Variants in DDX1 observed in about 807,000 individuals in gnomAD.
DDX1 encodes DEAD-box helicase 1, also known as ATP-dependent RNA helicase DDX1.
Under a neutral mutation model 108.7 loss-of-function variants are expected in DDX1, and 28 were observed. That is an observed-to-expected ratio of 0.26 (90% CI 0.19 to 0.35). DDX1 has a LOEUF of 0.35. Ranked by LOEUF, DDX1 falls within the 10% of genes least tolerant of loss-of-function variation. The pLI is 1.00. For synonymous variants in DDX1, 295 were observed against 288.9 expected, an observed-to-expected ratio of 1.02 and a Z score of -0.21; for missense variants, 710 against 884.5, an observed-to-expected ratio of 0.80 and a Z score of 2.50.
At chr2:15,605,921 T>G in intron 10 of DDX1, 29 bp from the exon 11 acceptor site, 1 of 1,443,150 alleles carries the variant, frequency 6.9e-7, no homozygotes, top group Non-Finnish European at 9.4e-7. Flanking sequence ...CTGATTGTTT[T>G]AATCTCTCTC....
intron 5 of DDX1, 54 bp downstream of exon 5, chr2:15,597,525 T>C: frequency 8.4e-7 from 1 of 1,184,306 alleles, no homozygotes; most frequent in African/African-American, 1.5e-5. Flanking sequence ...TTCTCATCAC[T>C]GACAGTTAGG....
At position 15,607,232 on chromosome 2, in the gene DDX1, T is replaced by G. The variant is rs1665677804; in HGVS notation, c.875T>G (p.Val292Gly). ...FLPNAPKALIVEPSRELAEQT... is the reference protein window; with the variant it reads ...FLPNAPKALIGEPSRELAEQT... ...CCCAATGCTCCGAAAGCTCTCATTG[T>G]TGAACCTTCCCGGGAGTTAGCTGAA... Residue 292 changes from valine (V) to glycine (G), a missense_variant, in exon 13 of 26, where the codon GTT becomes GGT. Transcript: ENST00000233084. The G allele has an allele frequency of 6.2e-7, 1 of 1,613,850 alleles. No individual in the cohort carries two copies. The highest frequency in any genetic ancestry group is 1.3e-5 in the African/African-American group (1 of 74,946).
chr2:15,597,897 TAAG>T lies in DDX1; in HGVS notation c.259+430_259+432del, dbSNP rs1206266118. Among the ~76,000 whole-genome samples, 3 of 152,142 alleles carry T rather than the reference TAAG, an allele frequency of 2.0e-5. No individual in the cohort carries two copies. The East Asian group carries it at 5.8e-4, about 29-fold the overall frequency. Reference sequence around the variant, plus strand: ...CAGAGGCATTTTTTTTCCTCTAAGATAAGAAGGGAACCACCTAGGAAGTTAAAA... The same window carrying T: ...CAGAGGCATTTTTTTTCCTCTAAGATAAGGGAACCACCTAGGAAGTTAAAA... On this transcript the variant is annotated intron_variant, in intron 5 of 25. Transcript: ENST00000233084.
intron 1 of DDX1, 49 bp downstream of exon 1, chr2:15,591,998 T>G: frequency 4.4e-6 from 6 of 1,376,844 alleles, no homozygotes; most frequent in Non-Finnish European, 4.7e-6. Flanking sequence ...GTTGCACGCC[T>G]CAGCCCTGGG....
intron 13 of DDX1, 137 bp downstream of exon 13, chr2:15,607,450 TTAA>T: frequency 1.6e-6 from 1 of 636,822 alleles, no homozygotes; most frequent in East Asian, 3.0e-5. Flanking sequence ...TAAATATACT[TTAA>T]TAATTTCCAT....
chr2:15,615,242 A>G (rs904587971), intron 14 of DDX1, among the ~76,000 whole-genome samples: 2 of 152,204 alleles, frequency 1.3e-5, no homozygotes, highest in Admixed American at 6.5e-5. Context: ...GTATTATGCA[A>G]CATGTGCCAC....
chr2:15,628,584 G>A (rs1666139877), intron 21 of DDX1, 54 bp from the exon 22 acceptor site: 1 of 1,594,852 alleles, frequency 6.3e-7, no homozygotes, highest in African/African-American at 1.3e-5. Context: ...CTTCTAATAT[G>A]TTTGAAAAAT....
intron 6 of DDX1, among the ~76,000 whole-genome samples, chr2:15,600,704 C>T (rs1241305269): frequency 6.6e-6 from 1 of 150,392 alleles, no homozygotes; most frequent in Admixed American, 6.6e-5. Flanking sequence ...TAATAGTAAC[C>T]AAAGGACTGT....
chr2:15,595,177 G>A lies in DDX1; in HGVS notation c.49G>A (p.Val17Met), dbSNP rs199880652. ...MGVMPEIAQA[V>M]EEMDWLLPTD... Reference sequence around the variant, plus strand: ...TGTAATGCCTGAGATTGCACAAGCTGTGGAAGAGATGGATTGGCTGTAAGT... The same window carrying A: ...TGTAATGCCTGAGATTGCACAAGCTATGGAAGAGATGGATTGGCTGTAAGT... Residue 17 changes from valine (V) to methionine (M), a missense_variant, in exon 2 of 26, where the codon GTG (valine) becomes ATG (methionine). Physicochemically the swap from Val to Met is conservative, Grantham distance 21. Around this residue, in one of 3 missense-constraint regions of DDX1, gnomAD observed 48 missense variants for 57.5 expected, o/e 0.83. Coordinates refer to ENST00000233084, the MANE Select transcript of DDX1 (RefSeq NM_004939.3). 2.5e-6 allele frequency: 4 copies of A among 1,612,036 alleles called. No individual in the cohort carries two copies. The highest frequency in any genetic ancestry group is 4.5e-5 in the East Asian group (2 of 44,828).
chr2:15,610,726 G>A (rs1405762114), intron 13 of DDX1, among the ~76,000 whole-genome samples: 1 of 152,186 alleles, frequency 6.6e-6, no homozygotes, highest in African/African-American at 2.4e-5. Context: ...TTATCCTAAT[G>A]TAGAAGAATA....
intron 6 of DDX1, among the ~76,000 whole-genome samples, chr2:15,601,258 T>C (rs1334125896): frequency 2.0e-5 from 3 of 152,128 alleles, no homozygotes; most frequent in Non-Finnish European, 4.4e-5. Context: ...CACATGTTTG[T>C]TTATTCTTGG....
chr2:15,603,043 A>G (rs1022746450), intron 7 of DDX1, 149 bp from the exon 8 acceptor site: 6 of 607,738 alleles, frequency 9.9e-6, no homozygotes, highest in Non-Finnish European at 1.7e-5. Context: ...TAAGTCGAGG[A>G]TCTGGGAAGG....
chr2:15,606,393 A>G, intron 12 of DDX1, 129 bp downstream of exon 12: 3 of 617,346 alleles, frequency 4.9e-6, no homozygotes, highest in Non-Finnish European at 8.4e-6. Context: ...TCTTTTTTTA[A>G]CACAGCAGTA....
chr2:15,606,681 C>T (rs1463503273), intron 12 of DDX1, among the ~76,000 whole-genome samples: 1 of 152,228 alleles, frequency 6.6e-6, no homozygotes, highest in Non-Finnish European at 1.5e-5. Flanking sequence ...GAATTCAAAT[C>T]TAAGCAGTCT....
intron 24 of DDX1, 115 bp downstream of exon 24, chr2:15,629,812 G>A (rs750202738): frequency 1.6e-5 from 17 of 1,036,670 alleles, no homozygotes; most frequent in East Asian, 5.2e-5. Flanking sequence ...AGGGAAAGTC[G>A]TAGTTGGTTA....
intron 16 of DDX1, among the ~76,000 whole-genome samples, chr2:15,619,089 G>A (rs1435478433): frequency 1.3e-5 from 2 of 152,160 alleles, no homozygotes; most frequent in Non-Finnish European, 2.9e-5. Flanking sequence ...GGATGGTGGA[G>A]CTCCTGCCTG....
chr2:15,604,817 C>T (rs537216393), intron 10 of DDX1, among the ~76,000 whole-genome samples: 21 of 152,088 alleles, frequency 1.4e-4, no homozygotes, highest in African/African-American at 4.3e-4. Context: ...AGAGTCATAG[C>T]GGTTTGGGGG....
chr2:15,624,607 C>T (rs1666068635), intron 19 of DDX1, among the ~76,000 whole-genome samples: 1 of 152,146 alleles, frequency 6.6e-6, no homozygotes. Flanking sequence ...TAACCACCCA[C>T]ATGATTCTAT....
chr2:15,602,456 C>T, intron 6 of DDX1, 92 bp from the exon 7 acceptor site: 1 of 836,248 alleles, frequency 1.2e-6, no homozygotes, highest in Non-Finnish European at 2.0e-6. Context: ...GTTAGTGAGA[C>T]TGAATGATTT....
Sources: gnomAD v4.1 joint callset for allele counts (sites outside exome capture counted in the v4.1 genomes callset) on GRCh38, gnomAD v4.1.1 for gene constraint, gnomAD v4.1.1 regional missense constraint, MANE v1.5 for transcripts, NCBI Gene and HGNC (gene_info 2026-07-23, HGNC 2026-07-21) for gene names.